The following PDK3 variants were observed in gnomAD, a reference collection of about 807,000 sequenced individuals.
The protein encoded by PDK3 is pyruvate dehydrogenase kinase 3.
In PDK3, 12 loss-of-function variants were observed where a neutral mutation model predicts 32.0. That is an observed-to-expected ratio of 0.37 (90% CI 0.24 to 0.61). The LOEUF (loss-of-function observed/expected upper bound fraction) is 0.61. Among genes scored for constraint, PDK3 ranks in the 20% least tolerant of loss-of-function variants. The pLI, the probability that PDK3 is intolerant of heterozygous loss-of-function variation, is 0.65. For synonymous variants in PDK3, 122 were observed against 116.3 expected, an observed-to-expected ratio of 1.05 and a Z score of -0.31; for missense variants, 188 against 316.9, an observed-to-expected ratio of 0.59 and a Z score of 3.09.
At chrX:24,497,177 C>T (rs1380323767) in intron 2 of PDK3, among the ~76,000 whole-genome samples, 7 of 111,389 alleles carry the variant, frequency 6.3e-5, no homozygotes, top group East Asian at 5.6e-4. Flanking sequence ...TGTGGCAGGG[C>T]GGAGGGCATC....
At chrX:24,538,571 A>T (rs1430681087), downstream of PDK3, among the ~76,000 whole-genome samples, 1 of 111,475 alleles carries the variant, frequency 9.0e-6, no homozygotes, top group African/African-American at 3.3e-5. Context: ...TTGAGGTCAG[A>T]AGTTCAAGAC....
At chrX:24,521,491 A>G (rs906498475) in intron 6 of PDK3, among the ~76,000 whole-genome samples, 1 of 110,768 alleles carries the variant, frequency 9.0e-6, no homozygotes, top group Admixed American at 9.7e-5. Context: ...GAATAAATAT[A>G]CTACCAGGAC....
intron 5 of PDK3, among the ~76,000 whole-genome samples, chrX:24,505,525 CT>C (rs1921961087): frequency 8.9e-6 from 1 of 111,960 alleles, no homozygotes; most frequent in South Asian, 3.7e-4. Flanking sequence ...TGAGTTTCTA[CT>C]TTATTGATTA....
chrX:24,497,027 G>A (rs1319097873), intron 2 of PDK3, among the ~76,000 whole-genome samples: 1 of 108,829 alleles, frequency 9.2e-6, no homozygotes, highest in Non-Finnish European at 1.9e-5. Flanking sequence ...TGATCCGCCT[G>A]CCTCGGCCTC....
intron 1 of PDK3, among the ~76,000 whole-genome samples, chrX:24,480,360 CT>C (rs1443802242): frequency 8.9e-6 from 1 of 112,002 alleles, no homozygotes; most frequent in Non-Finnish European, 1.9e-5. Context: ...ATTGTCTGGG[CT>C]TGAGGAGTTC....
At chrX:24,484,806 C>T (rs1295741645) in intron 1 of PDK3, among the ~76,000 whole-genome samples, 1 of 110,009 alleles carries the variant, frequency 9.1e-6, no homozygotes, top group South Asian at 3.9e-4. Flanking sequence ...GTTACTTTGC[C>T]GTATTTGCTT....
chrX:24,481,203 G>A lies in PDK3; in HGVS notation c.107-13539G>A, dbSNP rs1377704520. ...GGACTGCAGGCGCCCGCCACTGCACGCGGCTAATTTTTTGTATTTTTAGTA... is the reference window on the plus strand; with the variant it reads ...GGACTGCAGGCGCCCGCCACTGCACACGGCTAATTTTTTGTATTTTTAGTA... On this transcript the variant is annotated intron_variant, in intron 1 of 10. Transcript: ENST00000379162. Among the ~76,000 whole-genome samples the A allele has an allele frequency of 3.6e-5, 4 of 110,618 alleles. No individual in the cohort carries two copies. In the South Asian group the frequency reaches 1.1e-3, roughly 31 times the overall value.
At chrX:24,545,160 G>A (rs1358815644) in exon 12 of PDK3, among the ~76,000 whole-genome samples, 1 of 112,067 alleles carries the variant, frequency 8.9e-6, no homozygotes, top group Non-Finnish European at 1.9e-5. Context: ...ACCAAGAGAC[G>A]CCTAAGCTCT....
chrX:24,508,017 T>C (rs182161810), intron 5 of PDK3, among the ~76,000 whole-genome samples: 118 of 111,452 alleles, frequency 1.1e-3, no homozygotes, highest in African/African-American at 3.7e-3. Flanking sequence ...TCACGGTAAA[T>C]GTATGAGTCT....
chrX:24,467,550 G>A (rs1213310153), intron 1 of PDK3, among the ~76,000 whole-genome samples: 1 of 112,325 alleles, frequency 8.9e-6, no homozygotes, highest in African/African-American at 3.2e-5. Flanking sequence ...GACAAGGCTA[G>A]TTTGTAACAC....
exon 12 of PDK3, among the ~76,000 whole-genome samples, chrX:24,543,196 C>T (rs1001103093): frequency 1.5e-4 from 17 of 112,042 alleles, no homozygotes; most frequent in African/African-American, 5.2e-4. Flanking sequence ...AGCCTCACTG[C>T]GTTTTGTATC....
Position 24,534,282 on chromosome X carries a change from A to G in PDK3, c.*210A>G, listed in dbSNP as rs777414766. 3.3e-6 allele frequency: 3 copies of G among 908,964 alleles called. No individual in the cohort carries two copies. Among genetic ancestry groups the G allele is most frequent in the South Asian group, 1.1e-4 (2 of 18,014 alleles). The allele number at this position is 908,964 out of a possible 1,213,427, so 74.9% of individuals were successfully genotyped here. A position where few individuals can be genotyped will look rare whatever the true frequency, so the allele number is the denominator to read the frequency against. ...AACTGAAAAATAAGTTAAAATGATC[A>G]ATCAAGATAAAAGGTGATCTATCCA... On this transcript the variant is annotated 3_prime_UTR_variant, in exon 11 of 11. Transcript: ENST00000379162.
At chrX:24,483,529 T>A (rs1921315015) in intron 1 of PDK3, among the ~76,000 whole-genome samples, 1 of 112,184 alleles carries the variant, frequency 8.9e-6, no homozygotes, top group Non-Finnish European at 1.9e-5. Context: ...TACCTGCCTT[T>A]TGGCTCTTCT....
rs1304948862 is a variant in PDK3 at position 24,526,289 on chromosome X, A to C, written c.750+15A>C. ...AGTTGTTCAAGGTAAGTGGAATTTT[A>C]AAAACGTGGAAAGAAGTCTTCATTT... On this transcript the variant is annotated intron_variant, in intron 7 of 10. Coordinates refer to ENST00000379162, the MANE Select transcript of PDK3 (RefSeq NM_005391.5). 1 of 1,038,566 alleles carries C rather than the reference A, an allele frequency of 9.6e-7. No homozygotes were observed. The highest frequency in any genetic ancestry group is 2.3e-5 in the Admixed American group (1 of 44,393). The allele number at this position is 1,038,566 out of a possible 1,213,427, so 85.6% of individuals were successfully genotyped here. A position where few individuals can be genotyped will look rare whatever the true frequency, so the allele number is the denominator to read the frequency against.
At chrX:24,540,889 CTTTTTTTTTTTTTTTTTTTTTT>C (rs369307335) in exon 12 of PDK3, among the ~76,000 whole-genome samples, 1 of 36,698 alleles carries the variant, frequency 2.7e-5, no homozygotes, top group Admixed American at 4.7e-4. Context: ...CCCTAGCTTC[CTTTTTTTTTTTTTTTTTTTTTT>C]TTTTTTTTTT....
At chrX:24,509,002 C>T (rs1191496045) in intron 5 of PDK3, among the ~76,000 whole-genome samples, 1 of 112,089 alleles carries the variant, frequency 8.9e-6, no homozygotes, top group African/African-American at 3.2e-5. Flanking sequence ...CAGGCATGAG[C>T]CACCATCCCC....
chrX:24,484,542 T>C (rs1266456594), intron 1 of PDK3, among the ~76,000 whole-genome samples: 1 of 111,878 alleles, frequency 8.9e-6, no homozygotes, highest in African/African-American at 3.2e-5. Context: ...TCTGTGCAGA[T>C]ATATGTTTCA....
At chrX:24,521,097 A>G (rs1332625910) in intron 6 of PDK3, among the ~76,000 whole-genome samples, 1 of 109,689 alleles carries the variant, frequency 9.1e-6, no homozygotes, top group Non-Finnish European at 1.9e-5. Flanking sequence ...TGGGCAAGGT[A>G]GCAAAACCTT....
intron 1 of PDK3, among the ~76,000 whole-genome samples, chrX:24,472,191 T>C (rs1216952150): frequency 1.8e-5 from 2 of 112,475 alleles, no homozygotes; most frequent in Non-Finnish European, 3.7e-5. Flanking sequence ...AGTGGTTATC[T>C]TTATAGTTAT....
Sources: allele counts gnomAD v4.1 joint callset (sites outside exome capture counted in the v4.1 genomes callset), GRCh38; gene constraint gnomAD v4.1.1; transcripts MANE v1.5; gene names NCBI Gene and HGNC (gene_info 2026-07-23, HGNC 2026-07-21).